The following SYT1 variants were observed in gnomAD, a reference collection of about 807,000 sequenced individuals.
SYT1 encodes synaptotagmin-1.
In SYT1, 8 loss-of-function variants were observed where a neutral mutation model predicts 44.8. The observed-to-expected ratio is 0.18, with a 90% CI of 0.10 to 0.32. The LOEUF is 0.32. SYT1 is among the 10% of genes least tolerant of loss of function. The pLI, the probability that SYT1 is intolerant of heterozygous loss-of-function variation, is 1.00. For synonymous variants in SYT1, 154 were observed against 188.8 expected (o/e 0.82, Z 1.51); for missense variants, 286 against 509.3 (o/e 0.56, Z 4.22).
At chr12:79,145,804 C>T (rs1350915828) in intron 3 of SYT1, among the ~76,000 whole-genome samples, 23 of 151,040 alleles carry the variant, frequency 1.5e-4, no homozygotes, top group African/African-American at 5.6e-4. Flanking sequence ...GTCGCCCAGG[C>T]TGGAGTGCAG....
At chr12:79,079,536 C>A (rs962796926) in intron 3 of SYT1, among the ~76,000 whole-genome samples, 2 of 151,728 alleles carry the variant, frequency 1.3e-5, no homozygotes, top group East Asian at 3.9e-4. Context: ...AATTAATTAC[C>A]TAGATATTTT....
chr12:79,111,754 G>A (rs1464872034), intron 3 of SYT1, among the ~76,000 whole-genome samples: 3 of 151,300 alleles, frequency 2.0e-5, no homozygotes, highest in African/African-American at 4.9e-5. Context: ...AAAAAACTGA[G>A]ACTCAAACTC....
At chr12:78,927,680 A>T (rs748738153) in intron 1 of SYT1, among the ~76,000 whole-genome samples, 5 of 152,160 alleles carry the variant, frequency 3.3e-5, no homozygotes, top group Non-Finnish European at 7.4e-5. Flanking sequence ...AGGAAAAAAT[A>T]TATTAGCTTT....
chr12:79,419,944 A>G (rs1025936575), intron 9 of SYT1, among the ~76,000 whole-genome samples: 3 of 152,134 alleles, frequency 2.0e-5, no homozygotes, highest in African/African-American at 7.2e-5. Flanking sequence ...TATAAATTGT[A>G]TCATATATCC....
chr12:79,102,490 C>G (rs887381580), intron 3 of SYT1, among the ~76,000 whole-genome samples: 1 of 152,170 alleles, frequency 6.6e-6, no homozygotes, highest in African/African-American at 2.4e-5. Flanking sequence ...ACGCTTTAGC[C>G]TTCTCTCTGT....
chr12:79,006,266 A>C (rs1394462277), intron 2 of SYT1, among the ~76,000 whole-genome samples: 2 of 152,184 alleles, frequency 1.3e-5, no homozygotes, highest in African/African-American at 4.8e-5. Flanking sequence ...TGGGAATTAA[A>C]GTATTAGATT....
At chr12:79,253,159 C>T (rs1877316599) in intron 4 of SYT1, among the ~76,000 whole-genome samples, 1 of 152,052 alleles carries the variant, frequency 6.6e-6, no homozygotes, top group Non-Finnish European at 1.5e-5. Flanking sequence ...ATAAGCTTGC[C>T]ACATTTTATC....
chr12:79,116,059 T>C (rs1959298903), intron 3 of SYT1, among the ~76,000 whole-genome samples: 1 of 152,228 alleles, frequency 6.6e-6, no homozygotes, highest in South Asian at 2.1e-4. Context: ...ACTAGCTGGA[T>C]GACCTTGGAA....
At chr12:79,357,654 G>A (rs1288445064) in intron 9 of SYT1, among the ~76,000 whole-genome samples, 1 of 152,156 alleles carries the variant, frequency 6.6e-6, no homozygotes, top group African/African-American at 2.4e-5. Flanking sequence ...TGGTTACACA[G>A]GGCATGACTG....
At chr12:79,292,233 G>A in intron 6 of SYT1, 103 bp downstream of exon 6, 2 of 1,356,630 alleles carry the variant, frequency 1.5e-6, no homozygotes, top group South Asian at 1.5e-5. Context: ...TGCTGTGAGG[G>A]GAAAATGCAA....
At chr12:79,257,187 C>T (rs76674249) in intron 4 of SYT1, among the ~76,000 whole-genome samples, 54 of 152,270 alleles carry the variant, frequency 3.5e-4, no homozygotes, top group African/African-American at 1.2e-3. Context: ...CAATTTCAGA[C>T]TTGTAAACAA....
intron 1 of SYT1, among the ~76,000 whole-genome samples, chr12:78,910,083 C>T (rs1191284607): frequency 6.6e-6 from 1 of 151,944 alleles, no homozygotes; most frequent in African/African-American, 2.4e-5. Context: ...CACTACATTT[C>T]ATATCTAGAA....
At chr12:79,308,451 G>A (rs1395279337) in intron 8 of SYT1, among the ~76,000 whole-genome samples, 4 of 151,664 alleles carry the variant, frequency 2.6e-5, no homozygotes, top group Non-Finnish European at 5.9e-5. Context: ...GCTTGCATGC[G>A]GTGAGCCGAG....
rs190715637 is a variant in SYT1, at chr12:79,060,686, A to C, written c.-18+13324A>C. 6.6e-3 allele frequency among the ~76,000 whole-genome samples: 1,011 copies of C among 152,270 alleles called. 9 individuals are homozygous for C. The highest frequency in any genetic ancestry group is 0.023 in the African/African-American group (965 of 41,552). On this transcript the variant is annotated intron_variant, in intron 3 of 10. Coordinates refer to ENST00000261205, the MANE Select transcript of SYT1 (RefSeq NM_005639.3). The stretch of plus-strand genomic sequence containing the variant: ...GAATAATATTCCATTGTATGTATAT[A>C]TCACATTTTGTTTATCCATTTATCT...
intron 3 of SYT1, among the ~76,000 whole-genome samples, chr12:79,050,085 A>T (rs546629377): frequency 6.6e-6 from 1 of 152,166 alleles, no homozygotes; most frequent in Admixed American, 6.6e-5. Context: ...CTTAACTACT[A>T]ATAGCCTACT....
At chr12:79,361,400 T>C (rs1883310498) in intron 9 of SYT1, among the ~76,000 whole-genome samples, 1 of 152,174 alleles carries the variant, frequency 6.6e-6, no homozygotes, top group African/African-American at 2.4e-5. Flanking sequence ...TAAAACCTGA[T>C]GTCTAGGTCC....
intron 1 of SYT1, among the ~76,000 whole-genome samples, chr12:78,907,370 T>C (rs1362868415): frequency 6.6e-6 from 1 of 151,912 alleles, no homozygotes; most frequent in African/African-American, 2.4e-5. Context: ...TCAATTAGTT[T>C]ATATGAAAAT....
chr12:79,117,007 C>T (rs1325513157), intron 3 of SYT1, among the ~76,000 whole-genome samples: 1 of 152,094 alleles, frequency 6.6e-6, no homozygotes, highest in Non-Finnish European at 1.5e-5. Flanking sequence ...AATGAGGAAG[C>T]CATGGTACAA....
chr12:79,392,427 G>C (rs988032201), intron 9 of SYT1: 1 of 152,078 alleles, frequency 6.6e-6, no homozygotes, highest in Non-Finnish European at 1.5e-5. Flanking sequence ...CAATAATACA[G>C]ATTGTAGATG....
Sources: allele counts gnomAD v4.1 joint callset (sites outside exome capture counted in the v4.1 genomes callset), GRCh38; gene constraint gnomAD v4.1.1; transcripts MANE v1.5; gene names NCBI Gene and HGNC (gene_info 2026-07-23, HGNC 2026-07-21).